DGKB: variants seen among roughly 807,000 people sequenced by gnomAD.
The protein encoded by DGKB is diacylglycerol kinase beta.
Under a neutral mutation model 114.3 loss-of-function variants are expected in DGKB, and 67 were observed. That is an observed-to-expected ratio of 0.59 (90% confidence interval 0.48 to 0.72). The LOEUF is 0.72. Among genes scored for constraint, DGKB ranks in the 30% least tolerant of loss-of-function variants. The probability of loss-of-function intolerance (pLI) is 0.00; values close to 1 mark genes in which losing one functional copy is unlikely to be tolerated. For synonymous variants in DGKB, 398 were observed against 323.1 expected, an observed-to-expected ratio of 1.23 and a Z score of -2.49; for missense variants, 907 against 975.2, an observed-to-expected ratio of 0.93 and a Z score of 0.93.
chr7:14,170,142 AAAAAAAGAAAGAAAGAAAGAAAG>A (rs1562522833), intron 25 of DGKB, among the ~76,000 whole-genome samples: 1 of 123,490 alleles, frequency 8.1e-6, no homozygotes, highest in African/African-American at 3.3e-5. Context: ...CTCAAAAAAA[AAAAAAAGAAAGAAAGAAAGAAAG>A]AAAGAAAGAA....
chr7:14,575,830 G>A (rs1799043119), intron 19 of DGKB, among the ~76,000 whole-genome samples: 1 of 152,092 alleles, frequency 6.6e-6, no homozygotes, highest in African/African-American at 2.4e-5. Context: ...GTCCTCATTA[G>A]AGCTATTAGC....
intron 12 of DGKB, among the ~76,000 whole-genome samples, chr7:14,674,418 A>T (rs1026722941): frequency 5.9e-5 from 9 of 152,108 alleles, no homozygotes; most frequent in Non-Finnish European, 1.0e-4. Flanking sequence ...AAAATTAGTG[A>T]CTTGTTTAAA....
intron 20 of DGKB, among the ~76,000 whole-genome samples, chr7:14,493,226 A>G (rs1326173011): frequency 6.6e-6 from 1 of 152,060 alleles, no homozygotes; most frequent in East Asian, 1.9e-4. Flanking sequence ...ATGGATGCTA[A>G]TACCATGTTT....
chr7:14,285,041 A>T (rs1027149013), intron 23 of DGKB, among the ~76,000 whole-genome samples: 1 of 146,630 alleles, frequency 6.8e-6, no homozygotes, highest in Non-Finnish European at 1.5e-5. Flanking sequence ...AATAAAAAAA[A>T]GAAATGTATT....
intron 21 of DGKB, among the ~76,000 whole-genome samples, chr7:14,476,414 G>C (rs980528495): frequency 6.6e-6 from 1 of 152,020 alleles, no homozygotes; most frequent in Non-Finnish European, 1.5e-5. Flanking sequence ...GCAACTTATA[G>C]TGCAAAATTT....
At chr7:14,816,747 A>G (rs956555247) in intron 2 of DGKB, among the ~76,000 whole-genome samples, 10 of 152,196 alleles carry the variant, frequency 6.6e-5, no homozygotes, top group African/African-American at 1.9e-4. Flanking sequence ...AATTATTCCA[A>G]TAGGATGATA....
At chr7:14,167,982 G>A (rs1439086719) in intron 25 of DGKB, among the ~76,000 whole-genome samples, 1 of 152,126 alleles carries the variant, frequency 6.6e-6, no homozygotes, top group Non-Finnish European at 1.5e-5. Flanking sequence ...AGCCAATGAT[G>A]CAAACCCTGA....
intron 20 of DGKB, among the ~76,000 whole-genome samples, chr7:14,519,476 G>T (rs192544804): frequency 6.6e-6 from 1 of 152,076 alleles, no homozygotes; most frequent in East Asian, 1.9e-4. Context: ...CATTTTGTTT[G>T]TCCATTCACC....
rs76005061 is a variant in DGKB, at chr7:14,447,883, A to T, written c.1835+30278T>A. Among the ~76,000 whole-genome samples, 636 of 152,194 alleles carry T rather than the reference A, an allele frequency of 4.2e-3. 13 individuals are homozygous for T. The highest frequency in any genetic ancestry group is 0.028 in the Admixed American group (432 of 15,250). ...CGCAGTTCACTGGGAATTTTAGATG[A>T]TTTAATCTGATTTTTAGACGGTGCT... On this transcript the variant is annotated intron_variant, in intron 21 of 25. Transcript: ENST00000402815.
At chr7:14,466,796 G>A (rs1780540825) in intron 21 of DGKB, among the ~76,000 whole-genome samples, 1 of 152,076 alleles carries the variant, frequency 6.6e-6, no homozygotes, top group Non-Finnish European at 1.5e-5. Context: ...GCAGCCTGGC[G>A]ACAGAGCAAG....
At chr7:14,679,890 T>A (rs1433493064) in intron 12 of DGKB, among the ~76,000 whole-genome samples, 3 of 152,020 alleles carry the variant, frequency 2.0e-5, no homozygotes, top group Non-Finnish European at 4.4e-5. Context: ...ACAAAATCAA[T>A]AATTAAGTAA....
At chr7:14,594,770 T>C (rs1162106276) in intron 17 of DGKB, among the ~76,000 whole-genome samples, 1 of 152,092 alleles carries the variant, frequency 6.6e-6, no homozygotes, top group Non-Finnish European at 1.5e-5. Flanking sequence ...GAAGTAAGAA[T>C]GTATTTTGAA....
intron 21 of DGKB, among the ~76,000 whole-genome samples, chr7:14,356,726 G>C (rs1814619131): frequency 6.6e-6 from 1 of 152,070 alleles, no homozygotes; most frequent in Non-Finnish European, 1.5e-5. Context: ...GCTTTCTCTT[G>C]TGGGAATTTA....
intron 1 of DGKB, among the ~76,000 whole-genome samples, chr7:14,968,661 A>T (rs1787299913): frequency 6.6e-6 from 1 of 152,110 alleles, no homozygotes; most frequent in South Asian, 2.1e-4. Flanking sequence ...ACAGGGAGAG[A>T]GTTACTCATT....
At chr7:14,357,427 TA>T (rs1814785435) in intron 21 of DGKB, among the ~76,000 whole-genome samples, 1 of 152,204 alleles carries the variant, frequency 6.6e-6, no homozygotes, top group Non-Finnish European at 1.5e-5. Flanking sequence ...ACCCCTGCTT[TA>T]CTTTGCTTTC....
rs1437323284 is a variant in DGKB at position 14,308,521 on chromosome 7, A to G, written c.2122+29994T>C. On this transcript the variant is annotated intron_variant, in intron 23 of 25. Transcript: ENST00000402815. ...ATCAGAAATATCTTTGCCAAATTTT[A>G]TAATAGAGAAAGTAATATTGAGGCA... is the stretch of plus-strand genomic sequence containing the variant. Among the ~76,000 whole-genome samples, 8 of 152,334 alleles carry G rather than the reference A, an allele frequency of 5.3e-5. No individual in the cohort carries two copies. The South Asian group carries it at 1.7e-3, about 32-fold the overall frequency.
intron 23 of DGKB, among the ~76,000 whole-genome samples, chr7:14,295,662 T>G (rs1462322949): frequency 6.6e-6 from 1 of 152,086 alleles, no homozygotes; most frequent in African/African-American, 2.4e-5. Flanking sequence ...TAAATAAATA[T>G]GCCAACCTTC....
intron 23 of DGKB, among the ~76,000 whole-genome samples, chr7:14,321,512 C>A (rs1807799933): frequency 6.6e-6 from 1 of 151,298 alleles, no homozygotes; most frequent in Non-Finnish European, 1.5e-5. Context: ...GAAATCTCCC[C>A]CACAGCCTCC....
At chr7:14,204,032 C>G (rs761295576) in intron 23 of DGKB, among the ~76,000 whole-genome samples, 4 of 151,910 alleles carry the variant, frequency 2.6e-5, no homozygotes, top group Non-Finnish European at 5.9e-5. Flanking sequence ...CTGAGCTTCC[C>G]AGTGACATCT....
Sources: gnomAD v4.1 joint callset for allele counts (sites outside exome capture counted in the v4.1 genomes callset) on GRCh38, gnomAD v4.1.1 for gene constraint, MANE v1.5 for transcripts, NCBI Gene and HGNC (gene_info 2026-07-23, HGNC 2026-07-21) for gene names.